SLC6A11: variants seen among roughly 807,000 people sequenced by gnomAD.
SLC6A11 encodes solute carrier family 6 member 11, also known as sodium- and chloride-dependent GABA transporter 3.
SLC6A11 carries 25 observed loss-of-function variants against 74.8 expected under a neutral mutation model. The observed-to-expected ratio is 0.33, with a 90% CI of 0.24 to 0.47. The LOEUF (loss-of-function observed/expected upper bound fraction) is 0.47, where lower values mean the gene tolerates loss of function less well. SLC6A11 is among the 20% of genes least tolerant of loss of function. The pLI, the probability that SLC6A11 is intolerant of heterozygous loss-of-function variation, is 1.00. For missense variants in SLC6A11, 574 were observed against 837.0 expected (o/e 0.69, Z 3.88); for synonymous variants, 330 against 330.2 (o/e 1.00, Z 0.01).
intron 4 of SLC6A11, 140 bp from the exon 5 acceptor site, chr3:10,844,074 T>C: frequency 1.1e-6 from 1 of 933,392 alleles, no homozygotes; most frequent in Non-Finnish European, 1.6e-6. Context: ...AGGCCCCAAG[T>C]CCTCCCCAGA....
chr3:10,836,364 T>C (rs6442209), intron 4 of SLC6A11, among the ~76,000 whole-genome samples: 9,312 of 152,310 alleles, frequency 0.061, 410 homozygotes, highest in South Asian at 0.12. Flanking sequence ...GTTTATTCTC[T>C]TGGGCTTATA....
chr3:10,868,455 T>C (rs1358487600), intron 5 of SLC6A11, among the ~76,000 whole-genome samples: 1 of 152,226 alleles, frequency 6.6e-6, no homozygotes, highest in African/African-American at 2.4e-5. Flanking sequence ...TTAGCGTCAA[T>C]TAAAACAGGA....
intron 4 of SLC6A11, among the ~76,000 whole-genome samples, chr3:10,840,413 T>G (rs1008216566): frequency 4.6e-5 from 7 of 152,194 alleles, no homozygotes; most frequent in Non-Finnish European, 1.0e-4. Context: ...GCCTGGGAGC[T>G]TCCCCCACCT....
intron 5 of SLC6A11, among the ~76,000 whole-genome samples, chr3:10,846,099 A>G (rs1004911703): frequency 3.3e-5 from 5 of 152,356 alleles, no homozygotes; most frequent in Non-Finnish European, 5.9e-5. Context: ...AGGAGAGTTG[A>G]GTATGGTCCA....
At chr3:10,883,712 G>C (rs112841673) in intron 6 of SLC6A11, among the ~76,000 whole-genome samples, 1 of 152,202 alleles carries the variant, frequency 6.6e-6, no homozygotes. Context: ...CCTGGTGGCA[G>C]TGTACTCTGA....
At chr3:10,878,659 C>T (rs1694940153) in intron 6 of SLC6A11, among the ~76,000 whole-genome samples, 1 of 151,698 alleles carries the variant, frequency 6.6e-6, no homozygotes, top group South Asian at 2.1e-4. Context: ...GTGATCCACC[C>T]ACCTTGGCCT....
intron 13 of SLC6A11, among the ~76,000 whole-genome samples, chr3:10,937,996 G>T (rs551804467): frequency 6.6e-6 from 1 of 152,276 alleles, no homozygotes; most frequent in African/African-American, 2.4e-5. Flanking sequence ...ACTTTCCATA[G>T]CCTCTCCTTA....
rs548624556 is a variant in SLC6A11 at position 10,929,325 on chromosome 3, G to A, written c.1357G>A (p.Val453Met). 34 of 1,613,938 alleles carry A rather than the reference G, an allele frequency of 2.1e-5. No individual in the cohort carries two copies. In the South Asian group the frequency reaches 2.7e-4, roughly 13 times the overall value. ...TGTTATCTCCTATTTTCTGGGCCTCGTGATGTTAACAGAGGTGAGTGGCAT... is the reference window on the plus strand; with the variant it reads ...TGTTATCTCCTATTTTCTGGGCCTCATGATGTTAACAGAGGTGAGTGGCAT... ...LSVISYFLGL[V>M]MLTEGGMYIF... Residue 453 changes from valine to methionine, a missense_variant, in exon 10 of 14, where the codon GTG becomes ATG. Physicochemically the swap from Val to Met is conservative, Grantham distance 21. Around this residue, in one of 4 missense-constraint regions of SLC6A11, gnomAD observed 257 missense variants for 341.5 expected, o/e 0.75. Transcript: ENST00000254488.
intron 5 of SLC6A11, among the ~76,000 whole-genome samples, chr3:10,869,364 A>G (rs111672252): frequency 5.3e-5 from 8 of 152,212 alleles, no homozygotes; most frequent in African/African-American, 1.9e-4. Context: ...CGAGACAGAC[A>G]TTTTAAATGG....
intron 5 of SLC6A11, 93 bp from the exon 6 acceptor site, chr3:10,874,868 G>C (rs1694888801): frequency 3.1e-6 from 4 of 1,295,200 alleles, no homozygotes. Context: ...AGAGGGTCCT[G>C]GTGCAACATG....
intron 7 of SLC6A11, among the ~76,000 whole-genome samples, chr3:10,917,531 C>T (rs1695474244): frequency 6.6e-6 from 1 of 152,336 alleles, no homozygotes; most frequent in Admixed American, 6.5e-5. Flanking sequence ...TTCTAACAGG[C>T]TAACTTCCTG....
intron 5 of SLC6A11, among the ~76,000 whole-genome samples, chr3:10,872,351 T>C (rs562597900): frequency 3.9e-5 from 6 of 152,370 alleles, no homozygotes; most frequent in Non-Finnish European, 5.9e-5. Context: ...GTTATTATCA[T>C]GTGTAAAGGG....
chr3:10,881,543 G>A (rs1694982045), intron 6 of SLC6A11, among the ~76,000 whole-genome samples: 1 of 152,236 alleles, frequency 6.6e-6, no homozygotes. Context: ...TGTGTACCTT[G>A]CGTTAGAACC....
At chr3:10,864,478 A>AT (rs1356658655) in intron 5 of SLC6A11, among the ~76,000 whole-genome samples, 3 of 151,884 alleles carry the variant, frequency 2.0e-5, no homozygotes, top group African/African-American at 7.3e-5. Context: ...TTCCTGGCAC[A>AT]TCCGAAAGGT....
At chr3:10,872,485 G>A (rs1349288184) in intron 5 of SLC6A11, among the ~76,000 whole-genome samples, 1 of 152,150 alleles carries the variant, frequency 6.6e-6, no homozygotes, top group Non-Finnish European at 1.5e-5. Flanking sequence ...GACTGCTCTT[G>A]CAGTGAGGGA....
chr3:10,918,249 G>T lies in SLC6A11; in HGVS notation c.996-80G>T. 6.9e-7 allele frequency: 1 copy of T among 1,440,490 alleles called. No homozygotes were observed. 89.2% of individuals were successfully genotyped at this position (1,440,490 alleles called of 1,614,324 possible). A position where few individuals can be genotyped will look rare whatever the true frequency, so the allele number is the denominator to read the frequency against. ...CCTGCCTGCCTCACAGGACAGCCAT[G>T]GTGCTCGGGTGGAGAACGTTTGAGC... is the stretch of plus-strand genomic sequence containing the variant. On this transcript the variant is annotated intron_variant, in intron 7 of 13. Transcript: ENST00000254488. The surrounding 1 kb of genome is among the most constrained non-coding windows in gnomAD (Gnocchi z 4.5).
intron 7 of SLC6A11, among the ~76,000 whole-genome samples, chr3:10,917,103 C>T (rs1480978119): frequency 1.3e-5 from 2 of 151,954 alleles, no homozygotes; most frequent in Non-Finnish European, 2.9e-5. Flanking sequence ...ATTTCAAGCA[C>T]AATAAGGAAT....
chr3:10,911,639 T>C (rs777730999), intron 6 of SLC6A11, among the ~76,000 whole-genome samples: 6 of 152,156 alleles, frequency 3.9e-5, no homozygotes, highest in Non-Finnish European at 5.9e-5. Context: ...GAAGCATTCA[T>C]TTTACCTTAA....
At chr3:10,882,280 C>A (rs1694990655) in intron 6 of SLC6A11, among the ~76,000 whole-genome samples, 1 of 152,218 alleles carries the variant, frequency 6.6e-6, no homozygotes, top group Non-Finnish European at 1.5e-5. Flanking sequence ...CTCCACTGAT[C>A]AAGAGAGAGA....
Sources: gnomAD v4.1 joint callset for allele counts (sites outside exome capture counted in the v4.1 genomes callset) on GRCh38, gnomAD v4.1.1 for gene constraint, gnomAD v4.1.1 regional missense constraint, Gnocchi (gnomAD v3.1) non-coding constraint, MANE v1.5 for transcripts, NCBI Gene and HGNC (gene_info 2026-07-23, HGNC 2026-07-21) for gene names.